CASC3: variants seen among roughly 807,000 people sequenced by gnomAD.
CASC3 encodes the protein CASC3 exon junction complex subunit.
CASC3 carries 30 observed loss-of-function variants against 80.5 expected under a neutral mutation model. The observed-to-expected ratio is 0.37, with a 90% CI of 0.28 to 0.51. The LOEUF (loss-of-function observed/expected upper bound fraction) is 0.51, where lower values mean the gene tolerates loss of function less well. Ranked by LOEUF, CASC3 falls within the 20% of genes least tolerant of loss-of-function variation. The pLI, the probability that CASC3 is intolerant of heterozygous loss-of-function variation, is 0.94. For synonymous variants in CASC3, 312 were observed against 333.6 expected (o/e 0.94, Z 0.70); for missense variants, 824 against 922.2 (o/e 0.89, Z 1.38).
chr17:40,167,403 A>G (rs1402201416), intron 8 of CASC3, 95 bp from the exon 9 acceptor site: 3 of 790,062 alleles, frequency 3.8e-6, no homozygotes, highest in South Asian at 3.0e-5. Context: ...AATACCTGCC[A>G]TGTACCAAGT....
At chr17:40,141,515 A>G in intron 2 of CASC3, 55 bp from the exon 3 acceptor site, 2 of 1,487,896 alleles carry the variant, frequency 1.3e-6, no homozygotes, top group South Asian at 1.1e-5. Context: ...TGTAATAAGC[A>G]GCCAAAAAAT....
At position 40,167,841 on chromosome 17, in the gene CASC3, A is replaced by G; in HGVS notation, c.1652-9A>G. ...GGGTTTATGAGAGTCCCAATGTGAT[A>G]TCTTACAGTGCAGTTCCAGGGACCA... is the stretch of plus-strand genomic sequence containing the variant. On this transcript the variant is annotated splice_polypyrimidine_tract_variant and intron_variant, in intron 9 of 13. Transcript: ENST00000264645. 6.2e-7 allele frequency: 1 copy of G among 1,610,672 alleles called. No individual in the cohort carries two copies.
At chr17:40,158,029 G>A (rs1865198290) in intron 3 of CASC3, among the ~76,000 whole-genome samples, 1 of 152,176 alleles carries the variant, frequency 6.6e-6, no homozygotes, top group Non-Finnish European at 1.5e-5. Flanking sequence ...AGTGGAAGGA[G>A]AGGCAGGCAT....
rs1384980576 is a variant in CASC3, at chr17:40,164,033, T to C, written c.1338T>C (p.Thr446=). 5 of 1,613,992 alleles carry C rather than the reference T, an allele frequency of 3.1e-6. No individual in the cohort carries two copies. Among genetic ancestry groups the C allele is most frequent in the Non-Finnish European group, 4.2e-6 (5 of 1,180,008 alleles). ...CAGAAACCACCCCAACTCCACCTAC[T>C]AAGACTGGGACCTGGGAAGCTCCGG... ...PVPETTPTPP[T]KTGTWEAPVD... is the part of the protein sequence containing the mutation. The change falls in exon 7 of 14, where the codon ACT becomes ACC. Residue 446 remains threonine (T), a synonymous_variant. Transcript: ENST00000264645.
intron 7 of CASC3, 89 bp downstream of exon 7, chr17:40,164,255 C>A (rs995847557): frequency 4.8e-6 from 5 of 1,052,138 alleles, no homozygotes; most frequent in African/African-American, 3.2e-5. Flanking sequence ...AAGGTGGTGT[C>A]TGACAAATGT....
At position 40,162,868 on chromosome 17, in the gene CASC3, A is replaced by G. The variant is rs756802528; in HGVS notation, c.752A>G (p.Asp251Gly). 1 of 1,614,030 alleles carries G rather than the reference A, an allele frequency of 6.2e-7. No homozygotes were observed. Among genetic ancestry groups the G allele is most frequent in the Non-Finnish European group, 8.5e-7 (1 of 1,179,962 alleles). ...GACATTCGCTCAGCTCATAATCCTG[A>G]TGACATCAAACCTCGAAGAATCCGG... Reference protein sequence around the residue: ...GYDIRSAHNPDDIKPRRIRKP... With the variant: ...GYDIRSAHNPGDIKPRRIRKP... Residue 251 changes from aspartate (D) to glycine (G), a missense_variant, in exon 6 of 14, where the codon GAT becomes GGT. This residue lies in a region of CASC3 where 201 missense variants were observed against 294.1 expected (regional missense o/e 0.68). Transcript: ENST00000264645.
chr17:40,169,248 A>T, intron 11 of CASC3, 76 bp from the exon 12 acceptor site: 1 of 1,359,124 alleles, frequency 7.4e-7, no homozygotes. Flanking sequence ...CTTATGGCTG[A>T]ATAATATTTC....
intron 3 of CASC3, among the ~76,000 whole-genome samples, chr17:40,151,267 A>G (rs910997487): frequency 1.3e-5 from 2 of 152,142 alleles, no homozygotes; most frequent in African/African-American, 2.4e-5. Flanking sequence ...TCTGGAGTGC[A>G]GTGGCACAAT....
At chr17:40,148,785 G>A (rs182155707) in intron 3 of CASC3, among the ~76,000 whole-genome samples, 1 of 152,232 alleles carries the variant, frequency 6.6e-6, no homozygotes, top group Non-Finnish European at 1.5e-5. Flanking sequence ...CTCCTGCGTG[G>A]ACACCAGTAC....
In CASC3 at chr17:40,169,718, T is replaced by G. The variant is rs1476426745; in HGVS notation, c.*41+56T>G. 9 of 390,860 alleles carry G rather than the reference T, an allele frequency of 2.3e-5. No individual in the cohort carries two copies. In the South Asian group the frequency reaches 3.1e-4, roughly 14 times the overall value. The allele number at this position is 390,860 out of a possible 1,614,324, so 24.2% of individuals were successfully genotyped here. ...AAAACTAATGCTCACACTTGCTTAA[T>G]AAACAAAAATCACTTAATTAATGCT... On this transcript the variant is annotated intron_variant, in intron 13 of 13. Coordinates refer to ENST00000264645, the MANE Select transcript of CASC3 (RefSeq NM_007359.5).
Position 40,163,525 on chromosome 17 carries a change from G to A in CASC3, c.830G>A (p.Arg277Gln), listed in dbSNP as rs759647935. The A allele has an allele frequency of 1.4e-5, 23 of 1,613,590 alleles. No homozygotes were observed. The highest frequency in any genetic ancestry group is 3.3e-5 in the Admixed American group (2 of 59,926). The change falls in exon 7 of 14, where the codon CGG becomes CAG. Residue 277 changes from arginine (R) to glutamine (Q), a missense_variant. Physicochemically the swap from Arg to Gln is conservative, Grantham distance 43. Transcript: ENST00000264645. ...PQRDPNWNGE[R>Q]LNKSHRHQGL... The stretch of plus-strand genomic sequence containing the variant: ...AGAGATCCAAACTGGAACGGTGAGC[G>A]GCTAAACAAGTCTCATCGCCACCAG...
intron 7 of CASC3, among the ~76,000 whole-genome samples, chr17:40,165,091 T>G (rs1019789626): frequency 3.3e-5 from 5 of 151,680 alleles, no homozygotes; most frequent in African/African-American, 1.2e-4. Context: ...TGGCTAGTTT[T>G]TTTTTTTGTA....
rs200718409 is a variant in CASC3, at chr17:40,164,096, A to G, written c.1401A>G (p.Ala467=). ...CAAGTGGACTTGAGCAAGATGTGGC[A>G]CAACTAAATATAGCAGAACAGAATT... is the stretch of plus-strand genomic sequence containing the variant. ...SSTSGLEQDV[A]QLNIAEQNWS... Residue 467 remains alanine, a synonymous_variant, in exon 7 of 14, where the codon GCA becomes GCG. Coordinates refer to ENST00000264645, the MANE Select transcript of CASC3 (RefSeq NM_007359.5). 7 of 1,613,712 alleles carry G rather than the reference A, an allele frequency of 4.3e-6. No individual in the cohort carries two copies. The highest frequency in any genetic ancestry group is 2.5e-6 in the Non-Finnish European group (3 of 1,180,004).
chr17:40,163,782 T>C lies in CASC3; in HGVS notation c.1087T>C (p.Ser363Pro). 1.9e-6 allele frequency: 3 copies of C among 1,614,060 alleles called. No homozygotes were observed. Among genetic ancestry groups the C allele is most frequent in the Non-Finnish European group, 2.5e-6 (3 of 1,180,006 alleles). The change falls in exon 7 of 14, where the codon TCT (serine) becomes CCT (proline). Residue 363 changes from serine to proline, a missense_variant. By Grantham distance (74) the Ser-to-Pro change is moderately conservative. Around this residue, in one of 3 missense-constraint regions of CASC3, gnomAD observed 464 missense variants for 506.0 expected, o/e 0.92. Transcript: ENST00000264645. ...RLEQTSVRDP[S>P]PEADAPVLGS... ...AGAGCAGACTTCTGTGAGGGATCCA[T>C]CTCCAGAAGCAGATGCTCCAGTGCT...
At chr17:40,142,508 A>C (rs1020183750) in intron 3 of CASC3, among the ~76,000 whole-genome samples, 1 of 152,222 alleles carries the variant, frequency 6.6e-6, no homozygotes, top group Non-Finnish European at 1.5e-5. Context: ...GCAGTGGCTC[A>C]CGCCTGTAAT....
chr17:40,169,947 G>A (rs1019066099), intron 13 of CASC3, among the ~76,000 whole-genome samples: 2 of 151,576 alleles, frequency 1.3e-5, no homozygotes, highest in Admixed American at 1.3e-4. Flanking sequence ...GTGGGAATGG[G>A]GTTTCACCAT....
chr17:40,167,779 C>A, intron 9 of CASC3, 71 bp from the exon 10 acceptor site: 2 of 1,425,496 alleles, frequency 1.4e-6, no homozygotes, highest in Non-Finnish European at 2.0e-6. Context: ...TTTTAAAGGG[C>A]TTGGGGAACA....
intron 3 of CASC3, among the ~76,000 whole-genome samples, chr17:40,158,698 A>G (rs571659873): frequency 2.6e-5 from 4 of 152,316 alleles, no homozygotes; most frequent in South Asian, 2.1e-4. Context: ...AAAAGAGGGA[A>G]GAAGATAGTA....
At chr17:40,143,336 C>T (rs757270790) in intron 3 of CASC3, among the ~76,000 whole-genome samples, 1 of 152,046 alleles carries the variant, frequency 6.6e-6, no homozygotes, top group Non-Finnish European at 1.5e-5. Flanking sequence ...ATTCCAGCTA[C>T]TCAAGTGGCT....
Sources: allele counts gnomAD v4.1 joint callset (sites outside exome capture counted in the v4.1 genomes callset), GRCh38; gene constraint gnomAD v4.1.1; regional missense constraint gnomAD v4.1.1; transcripts MANE v1.5; gene names NCBI Gene and HGNC (gene_info 2026-07-23, HGNC 2026-07-21).